The following NRG1 variants were observed in gnomAD, a reference collection of about 807,000 sequenced individuals.
NRG1 encodes pro-neuregulin-1, membrane-bound isoform.
A neutral mutation model predicts 63.8 loss-of-function variants in NRG1; 18 were observed. The ratio of observed to expected loss-of-function variants is 0.28; its 90% CI spans 0.19 to 0.42. NRG1 has a LOEUF of 0.42. NRG1 is among the 10% of genes least tolerant of loss of function. NRG1 has a pLI of 1.00. For missense variants in NRG1, 762 were observed against 814.7 expected (o/e 0.94, Z 0.79); for synonymous variants, 302 against 301.3 (o/e 1.00, Z -0.02).
At chr8:32,282,634 CTTCT>C (rs1853007294) in intron 1 of NRG1, among the ~76,000 whole-genome samples, 2 of 152,206 alleles carry the variant, frequency 1.3e-5, no homozygotes, top group African/African-American at 4.8e-5. Flanking sequence ...CATTCAAGGT[CTTCT>C]TTCCATTATT....
intron 1 of NRG1, among the ~76,000 whole-genome samples, chr8:32,392,704 C>T (rs1026236027): frequency 1.3e-5 from 2 of 152,164 alleles, no homozygotes; most frequent in Non-Finnish European, 2.9e-5. Context: ...CTAATTTCCA[C>T]GTTAGTACTT....
At chr8:32,324,388 G>A (rs888258435) in intron 1 of NRG1, among the ~76,000 whole-genome samples, 4 of 152,194 alleles carry the variant, frequency 2.6e-5, no homozygotes, top group Non-Finnish European at 5.9e-5. Flanking sequence ...AGAAATGCAA[G>A]CATTGAGTAG....
chr8:32,524,433 T>G (rs1360555651), intron 1 of NRG1, among the ~76,000 whole-genome samples: 1 of 152,210 alleles, frequency 6.6e-6, no homozygotes, highest in Non-Finnish European at 1.5e-5. Flanking sequence ...TTTTTCTCTC[T>G]TGGTTCCTTT....
chr8:32,428,000 T>C (rs1307197027), intron 1 of NRG1, among the ~76,000 whole-genome samples: 2 of 152,240 alleles, frequency 1.3e-5, no homozygotes, highest in Non-Finnish European at 2.9e-5. Context: ...TCTAAATATA[T>C]AACATCCACT....
At position 32,764,038 on chromosome 8, in the gene NRG1, TG is replaced by T. The variant is rs1478615443; in HGVS notation, c.1552del (p.Glu518ArgfsTer62). 11 of 1,613,518 alleles carry T rather than the reference TG, an allele frequency of 6.8e-6. No individual in the cohort carries two copies. Among genetic ancestry groups the T allele is most frequent in the Non-Finnish European group, 9.3e-6 (11 of 1,179,922 alleles). ...CTCCCTGCTAGCCCCTTGAGGATAG[TG>T]GAGGATGAGGAGTATGAAACGACCC... On this transcript the variant is annotated frameshift_variant, in exon 12 of 12. Transcript: ENST00000356819. LOFTEE classifies it high-confidence loss of function.
At chr8:32,514,912 A>G (rs1287607230) in intron 1 of NRG1, among the ~76,000 whole-genome samples, 1 of 84,590 alleles carries the variant, frequency 1.2e-5, no homozygotes. Flanking sequence ...GGTTTGGGGT[A>G]TGAATGGTCC....
intron 1 of NRG1, among the ~76,000 whole-genome samples, chr8:32,396,791 TATTA>T (rs1042080766): frequency 1.1e-4 from 16 of 152,224 alleles, no homozygotes; most frequent in Non-Finnish European, 1.8e-4. Flanking sequence ...GACATTGTTT[TATTA>T]ATTTATATTT....
chr8:32,138,082 A>G (rs553424749), intron 1 of NRG1, among the ~76,000 whole-genome samples: 1 of 152,134 alleles, frequency 6.6e-6, no homozygotes, highest in Non-Finnish European at 1.5e-5. Flanking sequence ...GAGGAAGAGT[A>G]GAGAACCCCT....
intron 1 of NRG1, among the ~76,000 whole-genome samples, chr8:32,192,308 C>T (rs1443510955): frequency 2.0e-5 from 3 of 152,138 alleles, no homozygotes; most frequent in Non-Finnish European, 4.4e-5. Context: ...CTCATCATAG[C>T]ACTATTCACT....
intron 1 of NRG1, among the ~76,000 whole-genome samples, chr8:31,861,195 C>T (rs995520683): frequency 2.3e-4 from 35 of 152,148 alleles, no homozygotes; most frequent in African/African-American, 8.4e-4. Context: ...GGTGCCCCAG[C>T]TAGGGTCTCA....
chr8:31,689,956 T>C (rs7833431), intron 1 of NRG1, among the ~76,000 whole-genome samples: 2,372 of 152,302 alleles, frequency 0.016, 53 homozygotes, highest in African/African-American at 0.053. Context: ...TTTGGGTGTG[T>C]CCCCATCCAA....
chr8:32,773,214 T>G (rs1033055549), intron 7 of NRG1, among the ~76,000 whole-genome samples: 1 of 152,200 alleles, frequency 6.6e-6, no homozygotes, highest in Non-Finnish European at 1.5e-5. Flanking sequence ...CAGAGTCCCA[T>G]GGTGTTTCAT....
chr8:31,874,535 C>T (rs1829749210), intron 1 of NRG1, among the ~76,000 whole-genome samples: 1 of 152,140 alleles, frequency 6.6e-6, no homozygotes, highest in South Asian at 2.1e-4. Flanking sequence ...GCATGCAATG[C>T]ATTATAATCA....
intron 1 of NRG1, among the ~76,000 whole-genome samples, chr8:32,449,353 CA>C (rs980773102): frequency 1.1e-4 from 16 of 151,174 alleles, no homozygotes; most frequent in African/African-American, 3.9e-4. Flanking sequence ...TAAGTGAAAT[CA>C]GTTGTTGATA....
At chr8:32,326,374 C>A (rs1802027798) in intron 1 of NRG1, among the ~76,000 whole-genome samples, 1 of 144,042 alleles carries the variant, frequency 6.9e-6, no homozygotes, top group Admixed American at 7.3e-5. Flanking sequence ...TGTAGTGGTG[C>A]AATCAAAGCT....
chr8:31,660,693 T>C (rs1460495502), intron 1 of NRG1, among the ~76,000 whole-genome samples: 2 of 152,192 alleles, frequency 1.3e-5, no homozygotes, highest in South Asian at 4.1e-4. Flanking sequence ...TGTAAACATA[T>C]GTATTGACAC....
At chr8:32,330,951 G>GTTTGT (rs1346184267) in intron 1 of NRG1, among the ~76,000 whole-genome samples, 4 of 148,266 alleles carry the variant, frequency 2.7e-5, no homozygotes, top group Non-Finnish European at 3.0e-5. Context: ...AGATTGTTTT[G>GTTTGT]TTTGTTTTGT....
At chr8:32,164,482 A>G (rs1839196533) in intron 1 of NRG1, among the ~76,000 whole-genome samples, 1 of 152,166 alleles carries the variant, frequency 6.6e-6, no homozygotes, top group Non-Finnish European at 1.5e-5. Flanking sequence ...GTGTTCCCAG[A>G]CATTTAGGTT....
intron 1 of NRG1, among the ~76,000 whole-genome samples, chr8:32,042,550 C>G (rs1221352631): frequency 6.6e-6 from 1 of 152,022 alleles, no homozygotes; most frequent in Non-Finnish European, 1.5e-5. Flanking sequence ...TTTCAACTTG[C>G]ATGGGAAATC....
Sources: gnomAD v4.1 joint callset for allele counts (sites outside exome capture counted in the v4.1 genomes callset) on GRCh38, gnomAD v4.1.1 for gene constraint, MANE v1.5 for transcripts, NCBI Gene and HGNC (gene_info 2026-07-23, HGNC 2026-07-21) for gene names.